The following TRDN variants were observed in gnomAD, a reference collection of about 807,000 sequenced individuals.
TRDN encodes triadin.
A neutral mutation model predicts 149.7 loss-of-function variants in TRDN; 161 were observed. The ratio of observed to expected loss-of-function variants is 1.08; its 90% CI spans 0.95 to 1.23. TRDN has a LOEUF of 1.23. TRDN is among the 50% of genes most tolerant of loss of function. The pLI, the probability that TRDN is intolerant of heterozygous loss-of-function variation, is 0.00. For synonymous variants in TRDN, 294 were observed against 250.5 expected (o/e 1.17, Z -1.64); for missense variants, 896 against 823.5 (o/e 1.09, Z -1.08).
At chr6:123,535,932 C>T (rs756332322) in intron 4 of TRDN, among the ~76,000 whole-genome samples, 1 of 151,984 alleles carries the variant, frequency 6.6e-6, no homozygotes, top group Non-Finnish European at 1.5e-5. Context: ...AAAATATGTG[C>T]ATCTCTGACA....
At chr6:123,634,777 A>C (rs758856996) in intron 1 of TRDN, among the ~76,000 whole-genome samples, 3 of 151,882 alleles carry the variant, frequency 2.0e-5, no homozygotes, top group Non-Finnish European at 4.4e-5. Flanking sequence ...AAAAATGCAT[A>C]ATTGATGTTC....
chr6:123,457,997 A>T (rs1156958376), intron 10 of TRDN, among the ~76,000 whole-genome samples: 1 of 152,192 alleles, frequency 6.6e-6, no homozygotes, highest in Non-Finnish European at 1.5e-5. Context: ...TCTTTCAGAG[A>T]TTAAGGGAAC....
At chr6:123,248,374 T>C (rs1228719744) in intron 38 of TRDN, among the ~76,000 whole-genome samples, 1 of 151,894 alleles carries the variant, frequency 6.6e-6, no homozygotes, top group Non-Finnish European at 1.5e-5. Flanking sequence ...CTGGCCAACA[T>C]GGTGAGACCC....
chr6:123,567,590 C>CAGGT (rs1782357360), intron 2 of TRDN, among the ~76,000 whole-genome samples: 1 of 151,540 alleles, frequency 6.6e-6, no homozygotes, highest in Non-Finnish European at 1.5e-5. Flanking sequence ...GGGTAGCAGG[C>CAGGT]AGGTCACATG....
chr6:123,612,042 A>G (rs1451794786), intron 1 of TRDN, among the ~76,000 whole-genome samples: 1 of 151,848 alleles, frequency 6.6e-6, no homozygotes, highest in Non-Finnish European at 1.5e-5. Context: ...TTAGTGTTCT[A>G]CAAAACAAAG....
intron 1 of TRDN, among the ~76,000 whole-genome samples, chr6:123,613,321 A>G (rs1784907471): frequency 6.6e-6 from 1 of 152,222 alleles, no homozygotes; most frequent in African/African-American, 2.4e-5. Flanking sequence ...ATGATTTGGT[A>G]TCAGTTTAAT....
chr6:123,273,507 C>A (rs1028162941), intron 27 of TRDN, 144 bp from the exon 28 acceptor site: 10 of 339,596 alleles, frequency 2.9e-5, no homozygotes, highest in African/African-American at 2.2e-4. Context: ...AAAAGTAAAA[C>A]TGGCAAAAAT....
chr6:123,519,023 G>C (rs1779544425), intron 5 of TRDN, among the ~76,000 whole-genome samples: 1 of 152,138 alleles, frequency 6.6e-6, no homozygotes, highest in Non-Finnish European at 1.5e-5. Flanking sequence ...ACAACCAGGA[G>C]TTTTCATATG....
chr6:123,235,074 T>C (rs1775736219), intron 38 of TRDN, among the ~76,000 whole-genome samples: 1 of 152,014 alleles, frequency 6.6e-6, no homozygotes, highest in African/African-American at 2.4e-5. Context: ...ATGAACAATA[T>C]TTATAACCAA....
chr6:123,436,179 C>A (rs1018558732), intron 12 of TRDN, among the ~76,000 whole-genome samples: 1 of 152,100 alleles, frequency 6.6e-6, no homozygotes, highest in African/African-American at 2.4e-5. Flanking sequence ...TTTATCTTTA[C>A]CCCTCAATCA....
chr6:123,224,055 G>C (rs775242901), intron 39 of TRDN, 38 bp downstream of exon 39: 5 of 1,582,002 alleles, frequency 3.2e-6, no homozygotes, highest in Non-Finnish European at 4.3e-6. Context: ...ATAGCTTTGA[G>C]AGAAAACTTG....
In TRDN at chr6:123,235,593, TGA is replaced by T. The variant is rs1775756273; in HGVS notation, c.1976-11464_1976-11463del. 1.3e-5 allele frequency among the ~76,000 whole-genome samples: 2 copies of T among 152,200 alleles called. 1 individual carries two copies. The highest frequency in any genetic ancestry group is 1.3e-4 in the Admixed American group (2 of 15,278). ...TTTTTAAAATAATCACACAGTAAAT[TGA>T]GTTTTTCAGTGCAAACTTCTATGAA... On this transcript the variant is annotated intron_variant, in intron 38 of 40. Transcript: ENST00000334268.
In TRDN at chr6:123,278,299, A is replaced by G. The variant is rs182813107; in HGVS notation, c.1567+19T>C. 1,053 of 1,275,066 alleles carry G rather than the reference A, an allele frequency of 8.3e-4. 4 individuals carry two copies. The African/African-American group carries it at 0.014, about 17-fold the overall frequency. The allele number at this position is 1,275,066 out of a possible 1,614,324, so 79.0% of individuals were successfully genotyped here. On this transcript the variant is annotated intron_variant, in intron 26 of 40. Coordinates refer to ENST00000334268, the MANE Select transcript of TRDN (RefSeq NM_006073.4). ...CTAAACATGGAAATCATATATGTGT[A>G]TAAATAAAATATACATACCTGGCTT... is the stretch of plus-strand genomic sequence containing the variant.
At chr6:123,577,995 C>T (rs985274441) in intron 1 of TRDN, among the ~76,000 whole-genome samples, 1 of 151,898 alleles carries the variant, frequency 6.6e-6, no homozygotes, top group Non-Finnish European at 1.5e-5. Flanking sequence ...TTGTTGTCCT[C>T]TTGTAAATTT....
intron 24 of TRDN, among the ~76,000 whole-genome samples, chr6:123,291,835 A>G (rs978500343): frequency 6.6e-6 from 1 of 152,206 alleles, no homozygotes; most frequent in Non-Finnish European, 1.5e-5. Context: ...TTTGAAAGCT[A>G]TGCAGATCCA....
rs201115952 is a variant in TRDN at position 123,271,146 on chromosome 6, T to G, written c.1713A>C (p.Glu571Asp). 2.3e-4 allele frequency: 350 copies of G among 1,534,802 alleles called. No individual in the cohort carries two copies. In the African/African-American group the frequency reaches 4.5e-3, roughly 20 times the overall value. The change falls in exon 30 of 41, where the codon GAA becomes GAC. Residue 571 changes from glutamate to aspartate, a missense_variant. By Grantham distance (45) the Glu-to-Asp change is conservative (BLOSUM62 2). Coordinates refer to ENST00000334268, the MANE Select transcript of TRDN (RefSeq NM_006073.4). ...VLKQVKAVTIEKTAKPKPTKK... is the reference protein window; with the variant it reads ...VLKQVKAVTIDKTAKPKPTKK... Reference sequence around the variant, plus strand: ...ATAAAATACCTTATTTACCTGTTTTTTCTATTGTGACAGCTTTTACCTGCT... The same window carrying G: ...ATAAAATACCTTATTTACCTGTTTTGTCTATTGTGACAGCTTTTACCTGCT...
At chr6:123,268,492 G>T (rs1777092386) in intron 31 of TRDN, among the ~76,000 whole-genome samples, 1 of 152,066 alleles carries the variant, frequency 6.6e-6, no homozygotes, top group Non-Finnish European at 1.5e-5. Flanking sequence ...ATGGGATTGA[G>T]AATATCTGTC....
At chr6:123,615,017 G>C (rs1010073430) in intron 1 of TRDN, among the ~76,000 whole-genome samples, 1 of 151,962 alleles carries the variant, frequency 6.6e-6, no homozygotes, top group African/African-American at 2.4e-5. Flanking sequence ...TCGCTCAAAA[G>C]ATACATACAA....
chr6:123,342,368 A>T (rs1415312271), intron 21 of TRDN, among the ~76,000 whole-genome samples: 1 of 151,870 alleles, frequency 6.6e-6, no homozygotes, highest in African/African-American at 2.4e-5. Flanking sequence ...TTCAAAGAAA[A>T]TTTTATTAGT....
Sources: gnomAD v4.1 joint callset for allele counts (sites outside exome capture counted in the v4.1 genomes callset) on GRCh38, gnomAD v4.1.1 for gene constraint, MANE v1.5 for transcripts, NCBI Gene and HGNC (gene_info 2026-07-23, HGNC 2026-07-21) for gene names.